The following MERTK variants were observed in gnomAD, a reference collection of about 807,000 sequenced individuals.
MERTK encodes tyrosine-protein kinase Mer.
Under a neutral mutation model 99.3 loss-of-function variants are expected in MERTK, and 69 were observed. The observed-to-expected ratio is 0.70, with a 90% CI of 0.57 to 0.85. The LOEUF is 0.85. MERTK is among the 40% of genes least tolerant of loss of function. The pLI is 0.00. For synonymous variants in MERTK, 426 were observed against 467.6 expected (o/e 0.91, Z 1.15); for missense variants, 1,125 against 1,249.4 (o/e 0.90, Z 1.50).
At chr2:111,958,696 A>C (rs1316239285) in intron 4 of MERTK, among the ~76,000 whole-genome samples, 2 of 152,188 alleles carry the variant, frequency 1.3e-5, no homozygotes, top group Non-Finnish European at 2.9e-5. Context: ...AGAAACACAC[A>C]GGAGAAATGA....
At chr2:111,985,972 G>A (rs986812736) in intron 8 of MERTK, among the ~76,000 whole-genome samples, 1 of 152,204 alleles carries the variant, frequency 6.6e-6, no homozygotes, top group Non-Finnish European at 1.5e-5. Flanking sequence ...TGATGCTCAA[G>A]CTTTGTTGTA....
intron 2 of MERTK, among the ~76,000 whole-genome samples, chr2:111,939,484 A>G (rs1558779260): frequency 2.0e-5 from 3 of 151,676 alleles, no homozygotes; most frequent in Non-Finnish European, 2.9e-5. Context: ...CACTTAATTA[A>G]TTAATTAATT....
chr2:111,905,503 A>G (rs1189870249), intron 1 of MERTK, among the ~76,000 whole-genome samples: 2 of 129,510 alleles, frequency 1.5e-5, no homozygotes, highest in African/African-American at 5.9e-5. Context: ...CAGTGGCGCG[A>G]TCTCAGCTTA....
At chr2:111,936,565 C>T (rs1225126236) in intron 2 of MERTK, among the ~76,000 whole-genome samples, 2 of 152,036 alleles carry the variant, frequency 1.3e-5, no homozygotes, top group Non-Finnish European at 2.9e-5. Context: ...TTTCCTGTTT[C>T]ACTTGGATGT....
Position 112,001,284 on chromosome 2 carries a change from C to G in MERTK, c.1688C>G (p.Thr563Ser). 6.2e-7 allele frequency: 1 copy of G among 1,610,882 alleles called. No homozygotes were observed. The highest frequency in any genetic ancestry group is 8.5e-7 in the Non-Finnish European group (1 of 1,177,062). Residue 563 changes from threonine (T) to serine (S), a missense_variant and splice_region_variant, in exon 11 of 19, where the codon ACC becomes AGC. Physicochemically the swap from Thr to Ser is moderately conservative, Grantham distance 58. Transcript: ENST00000295408. Reference sequence around the variant, plus strand: ...TTCTGTCGGCGAGCCATTGAACTTACCTGTAAGTTGACTTTCATTTCCCTT... The same window carrying G: ...TTCTGTCGGCGAGCCATTGAACTTAGCTGTAAGTTGACTTTCATTTCCCTT... ...KSFCRRAIEL[T>S]LHSLGVSEEL...
At chr2:111,959,412 A>G (rs1685204245) in intron 4 of MERTK, among the ~76,000 whole-genome samples, 2 of 152,126 alleles carry the variant, frequency 1.3e-5, no homozygotes, top group South Asian at 4.1e-4. Context: ...AATCACCACT[A>G]TGAAGCATCA....
chr2:111,978,339 G>A (rs1676296808), intron 7 of MERTK, among the ~76,000 whole-genome samples: 1 of 152,008 alleles, frequency 6.6e-6, no homozygotes, highest in African/African-American at 2.4e-5. Context: ...AGTAGAGATG[G>A]GGTTTCTCCA....
intron 1 of MERTK, among the ~76,000 whole-genome samples, chr2:111,903,411 C>A (rs1383351961): frequency 6.6e-6 from 1 of 152,172 alleles, no homozygotes; most frequent in Non-Finnish European, 1.5e-5. Context: ...TAAAACCAGA[C>A]AGATTTTTGG....
intron 15 of MERTK, among the ~76,000 whole-genome samples, chr2:112,017,165 G>T (rs1027383436): frequency 6.6e-6 from 1 of 152,118 alleles, no homozygotes; most frequent in African/African-American, 2.4e-5. Flanking sequence ...GTGCTGATTG[G>T]TCCATTTTAC....
chr2:111,968,159 A>G lies in MERTK; in HGVS notation c.867A>G (p.Glu289=), dbSNP rs751401651. The G allele has an allele frequency of 1.2e-5, 19 of 1,613,836 alleles. No homozygotes were observed. Among genetic ancestry groups the G allele is most frequent in the Non-Finnish European group, 1.5e-5 (18 of 1,179,914 alleles). ...CAGCAATTCCCTCCCCACCAACTGAAGTCAGCATCCGTAACAGCACTGCAC... is the reference window on the plus strand; with the variant it reads ...CAGCAATTCCCTCCCCACCAACTGAGGTCAGCATCCGTAACAGCACTGCAC... ...NIKAIPSPPT[E]VSIRNSTAHS... The change falls in exon 6 of 19, where the codon GAA becomes GAG. Residue 289 remains glutamate (E), a synonymous_variant. Coordinates refer to ENST00000295408, the MANE Select transcript of MERTK (RefSeq NM_006343.3).
chr2:112,016,609 G>A (rs1677221130), intron 15 of MERTK, among the ~76,000 whole-genome samples: 1 of 152,162 alleles, frequency 6.6e-6, no homozygotes, highest in Non-Finnish European at 1.5e-5. Flanking sequence ...TCTGCCCAGG[G>A]CAGACATTGT....
intron 8 of MERTK, among the ~76,000 whole-genome samples, chr2:111,983,203 C>G (rs1676407741): frequency 6.6e-6 from 1 of 152,190 alleles, no homozygotes; most frequent in Non-Finnish European, 1.5e-5. Flanking sequence ...ACTTTCCTCA[C>G]TTACTCATTC....
At chr2:111,972,063 G>C (rs1196366123) in intron 6 of MERTK, among the ~76,000 whole-genome samples, 1 of 151,988 alleles carries the variant, frequency 6.6e-6, no homozygotes, top group Non-Finnish European at 1.5e-5. Flanking sequence ...AGAGTTTCGC[G>C]CTTATTGCCC....
At chr2:112,012,932 A>G (rs2104415741) in intron 15 of MERTK, among the ~76,000 whole-genome samples, 1 of 152,310 alleles carries the variant, frequency 6.6e-6, no homozygotes, top group South Asian at 2.1e-4. Context: ...GACCCAATTT[A>G]GGGTCAGCAC....
chr2:112,028,602 G>A lies in MERTK; in HGVS notation c.2738G>A (p.Ser913Asn), dbSNP rs748743393. 4.0e-5 allele frequency: 64 copies of A among 1,614,078 alleles called. No individual in the cohort carries two copies. Among genetic ancestry groups the A allele is most frequent in the Non-Finnish European group, 4.9e-5 (58 of 1,180,058 alleles). ...IASCTPRAAI[S>N]VVTAEVHDSK... ...TCCTGCACTCCCCGCGCTGCCATCA[G>A]TGTGGTCACAGCAGAAGTTCATGAC... The change falls in exon 19 of 19, where the codon AGT becomes AAT. Residue 913 changes from serine to asparagine, a missense_variant. Physicochemically the swap from Ser to Asn is conservative, Grantham distance 46 (BLOSUM62 1). Coordinates refer to ENST00000295408, the MANE Select transcript of MERTK (RefSeq NM_006343.3).
At chr2:111,900,368 C>T (rs1311663652) in intron 1 of MERTK, among the ~76,000 whole-genome samples, 1 of 152,156 alleles carries the variant, frequency 6.6e-6, no homozygotes, top group African/African-American at 2.4e-5. Flanking sequence ...CTCCACTGCC[C>T]CTCCCTCCAC....
chr2:111,915,000 A>C (rs1275656595), intron 1 of MERTK, among the ~76,000 whole-genome samples: 1 of 152,230 alleles, frequency 6.6e-6, no homozygotes, highest in Non-Finnish European at 1.5e-5. Context: ...ATAATTCTCC[A>C]ATGAAACCAT....
intron 18 of MERTK, among the ~76,000 whole-genome samples, chr2:112,023,364 A>G (rs1418466426): frequency 6.6e-6 from 1 of 152,152 alleles, no homozygotes; most frequent in African/African-American, 2.4e-5. Context: ...CGGTGAGCTG[A>G]GATCGTGCCA....
At chr2:111,943,729 C>A (rs1019239664) in intron 2 of MERTK, among the ~76,000 whole-genome samples, 3 of 152,108 alleles carry the variant, frequency 2.0e-5, no homozygotes, top group Non-Finnish European at 4.4e-5. Context: ...CCAGAAAGTT[C>A]TAAACAGGAC....
Sources: gnomAD v4.1 joint callset for allele counts (sites outside exome capture counted in the v4.1 genomes callset) on GRCh38, gnomAD v4.1.1 for gene constraint, MANE v1.5 for transcripts, NCBI Gene and HGNC (gene_info 2026-07-23, HGNC 2026-07-21) for gene names.